Variants in AKAP6 observed in about 807,000 individuals in gnomAD.
AKAP6 encodes A-kinase anchor protein 6.
In AKAP6, 58 loss-of-function variants were observed where a neutral mutation model predicts 188.5. The ratio of observed to expected loss-of-function variants is 0.31; its 90% CI spans 0.25 to 0.38. The LOEUF is 0.38. Ranked by LOEUF, AKAP6 falls within the 10% of genes least tolerant of loss-of-function variation. The pLI is 1.00. For missense variants in AKAP6, 2,710 were observed against 2,740.0 expected (o/e 0.99, Z 0.24); for synonymous variants, 989 against 998.6 (o/e 0.99, Z 0.18).
intron 11 of AKAP6, among the ~76,000 whole-genome samples, chr14:32,748,820 A>G (rs560270576): frequency 1.3e-5 from 2 of 152,258 alleles, no homozygotes; most frequent in Admixed American, 1.3e-4. Context: ...TCTTTTGAGC[A>G]AGGCGGCACA....
intron 1 of AKAP6, among the ~76,000 whole-genome samples, chr14:32,427,058 GGA>G (rs1022348368): frequency 6.6e-6 from 1 of 151,864 alleles, no homozygotes; most frequent in Admixed American, 6.6e-5. Context: ...AGAGGGGAAA[GGA>G]GAGAGAGAAA....
At chr14:32,611,831 C>T (rs1886363639) in intron 7 of AKAP6, among the ~76,000 whole-genome samples, 1 of 152,086 alleles carries the variant, frequency 6.6e-6, no homozygotes, top group Non-Finnish European at 1.5e-5. Context: ...AAGATAGTTT[C>T]AGGGACAAGA....
At chr14:32,490,004 T>C (rs10130375) in intron 2 of AKAP6, among the ~76,000 whole-genome samples, 100,198 of 151,734 alleles carry the variant, frequency 0.66, 34,688 homozygotes, top group East Asian at 0.86. Flanking sequence ...TTAGGAGCAA[T>C]GTTTTTCGGA....
intron 9 of AKAP6, among the ~76,000 whole-genome samples, chr14:32,696,732 A>AT (rs952886862): frequency 6.6e-6 from 1 of 151,946 alleles, no homozygotes; most frequent in African/African-American, 2.4e-5. Flanking sequence ...AACCTACTGT[A>AT]TTTTACCAAT....
intron 8 of AKAP6, among the ~76,000 whole-genome samples, chr14:32,684,874 A>G (rs534508298): frequency 2.6e-5 from 4 of 152,296 alleles, no homozygotes; most frequent in African/African-American, 9.6e-5. Context: ...GTAGTATGAG[A>G]TGCTAGCAAT....
intron 1 of AKAP6, among the ~76,000 whole-genome samples, chr14:32,405,302 G>A (rs1195509872): frequency 6.6e-6 from 1 of 151,752 alleles, no homozygotes; most frequent in African/African-American, 2.4e-5. Flanking sequence ...CTCCATACTG[G>A]CTGACACCTA....
chr14:32,400,203 G>T (rs1167410967), intron 1 of AKAP6, among the ~76,000 whole-genome samples: 1 of 151,740 alleles, frequency 6.6e-6, no homozygotes, highest in African/African-American at 2.4e-5. Context: ...GATAGAGGAG[G>T]TTCCTTGTTG....
At chr14:32,599,225 C>T (rs1435055646) in intron 5 of AKAP6, among the ~76,000 whole-genome samples, 185 bp from the exon 6 acceptor site, 1 of 152,086 alleles carries the variant, frequency 6.6e-6, no homozygotes, top group Non-Finnish European at 1.5e-5. Flanking sequence ...ATGCACTCAG[C>T]TAATCTAATG....
At chr14:32,452,366 C>CTTTTA (rs1890971728) in intron 2 of AKAP6, among the ~76,000 whole-genome samples, 2 of 152,150 alleles carry the variant, frequency 1.3e-5, no homozygotes, top group Non-Finnish European at 2.9e-5. Flanking sequence ...CATATTAATC[C>CTTTTA]ACTGCCTGGC....
At chr14:32,736,241 C>T (rs1303294645) in intron 11 of AKAP6, among the ~76,000 whole-genome samples, 1 of 152,118 alleles carries the variant, frequency 6.6e-6, no homozygotes, top group African/African-American at 2.4e-5. Flanking sequence ...AAAATACTTA[C>T]ACAAATTGAT....
chr14:32,655,358 C>G (rs989383941), intron 7 of AKAP6, among the ~76,000 whole-genome samples: 2 of 152,144 alleles, frequency 1.3e-5, no homozygotes, highest in African/African-American at 4.8e-5. Context: ...AAGTGTTAAA[C>G]CATATGGTAT....
chr14:32,574,877 C>G (rs1884651478), intron 4 of AKAP6, among the ~76,000 whole-genome samples: 1 of 152,136 alleles, frequency 6.6e-6, no homozygotes. Flanking sequence ...CAAAGGGTCT[C>G]TTAAGTTTTC....
At chr14:32,573,069 A>C (rs1884562458) in intron 4 of AKAP6, among the ~76,000 whole-genome samples, 1 of 152,122 alleles carries the variant, frequency 6.6e-6, no homozygotes, top group Non-Finnish European at 1.5e-5. Context: ...GGACTAGGTC[A>C]CTCTCCATGT....
chr14:32,641,709 G>A (rs775303208), intron 7 of AKAP6, among the ~76,000 whole-genome samples: 1 of 151,920 alleles, frequency 6.6e-6, no homozygotes, highest in Admixed American at 6.6e-5. Context: ...AGCTACAATT[G>A]GAACTTAAGG....
chr14:32,721,223 T>G (rs1275906559), intron 9 of AKAP6, among the ~76,000 whole-genome samples: 1 of 152,212 alleles, frequency 6.6e-6, no homozygotes, highest in Non-Finnish European at 1.5e-5. Flanking sequence ...CAGAAAACCC[T>G]TTGAGATGTG....
chr14:32,746,989 C>T (rs2139888527), intron 11 of AKAP6, among the ~76,000 whole-genome samples: 1 of 152,230 alleles, frequency 6.6e-6, no homozygotes, highest in South Asian at 2.1e-4. Context: ...AGTAATTACT[C>T]TGAAAAGGAG....
chr14:32,593,096 A>G (rs569047196), intron 5 of AKAP6, among the ~76,000 whole-genome samples: 8 of 148,714 alleles, frequency 5.4e-5, no homozygotes, highest in East Asian at 2.0e-4. Flanking sequence ...GACCATGTCT[A>G]TCTTGTTTAT....
intron 1 of AKAP6, among the ~76,000 whole-genome samples, chr14:32,418,344 G>A (rs1367515139): frequency 1.3e-5 from 2 of 152,190 alleles, no homozygotes; most frequent in Non-Finnish European, 2.9e-5. Flanking sequence ...ATCCAAGAGG[G>A]CAAAGGAGGG....
At chr14:32,705,505 G>T (rs570685472) in intron 9 of AKAP6, among the ~76,000 whole-genome samples, 101 of 152,188 alleles carry the variant, frequency 6.6e-4, no homozygotes, top group Middle Eastern at 6.8e-3. Context: ...GAGGGAGAAA[G>T]AAACTTATCA....
Sources: allele counts gnomAD v4.1 joint callset (sites outside exome capture counted in the v4.1 genomes callset), GRCh38; gene constraint gnomAD v4.1.1; transcripts MANE v1.5; gene names NCBI Gene and HGNC (gene_info 2026-07-23, HGNC 2026-07-21).